GPD2: variants seen among roughly 807,000 people sequenced by gnomAD.
GPD2 encodes the protein glycerol-3-phosphate dehydrogenase, mitochondrial.
Under a neutral mutation model 82.4 loss-of-function variants are expected in GPD2, and 54 were observed. That is an observed-to-expected ratio of 0.66 (90% confidence interval 0.53 to 0.82). The LOEUF (loss-of-function observed/expected upper bound fraction) is 0.82. GPD2 is among the 40% of genes least tolerant of loss of function. The pLI is 0.00. For missense variants in GPD2, 748 were observed against 896.2 expected (o/e 0.83, Z 2.11); for synonymous variants, 288 against 306.1 (o/e 0.94, Z 0.62).
chr2:156,556,916 T>C (rs1573997773), intron 8 of GPD2, among the ~76,000 whole-genome samples: 1 of 152,364 alleles, frequency 6.6e-6, no homozygotes, highest in African/African-American at 2.4e-5. Flanking sequence ...CACTTTCTTA[T>C]GTACTCCTGA....
intron 1 of GPD2, among the ~76,000 whole-genome samples, chr2:156,454,777 T>G (rs1271811953): frequency 3.3e-5 from 5 of 151,878 alleles, no homozygotes; most frequent in Non-Finnish European, 1.5e-5. Flanking sequence ...CTGTGGAGCA[T>G]GCTAGGGTTA....
At chr2:156,569,964 C>G in intron 11 of GPD2, 123 bp from the exon 12 acceptor site, 1 of 843,478 alleles carries the variant, frequency 1.2e-6, no homozygotes, top group East Asian at 2.6e-5. Flanking sequence ...ATATAATACT[C>G]TCCGAGAGCT....
intron 8 of GPD2, among the ~76,000 whole-genome samples, chr2:156,554,110 T>A (rs943592633): frequency 2.0e-5 from 3 of 152,214 alleles, no homozygotes; most frequent in Admixed American, 6.5e-5. Context: ...ATTCCCTCAT[T>A]CAGGACTGAC....
At chr2:156,489,707 CCTTCCTT>C (rs1684087287) in intron 2 of GPD2, among the ~76,000 whole-genome samples, 3 of 119,030 alleles carry the variant, frequency 2.5e-5, no homozygotes, top group African/African-American at 9.9e-5. Context: ...TTCCTTCCTT[CCTTCCTT>C]CCTTCCTTCC....
intron 1 of GPD2, among the ~76,000 whole-genome samples, chr2:156,452,027 A>C (rs1682620935): frequency 6.7e-6 from 1 of 150,212 alleles, no homozygotes; most frequent in Non-Finnish European, 1.5e-5. Flanking sequence ...CTCTCTTCCT[A>C]GATGGGATGG....
intron 6 of GPD2, among the ~76,000 whole-genome samples, chr2:156,545,526 A>G (rs1176886777): frequency 6.6e-6 from 1 of 152,226 alleles, no homozygotes; most frequent in Admixed American, 6.5e-5. Context: ...TGATGAAATT[A>G]TGGACAGATG....
intron 1 of GPD2, among the ~76,000 whole-genome samples, chr2:156,465,295 T>C: frequency 6.6e-6 from 1 of 152,172 alleles, no homozygotes. Context: ...TAAAACTCTT[T>C]GATTTGCAGC....
At chr2:156,439,934 T>C (rs940919297) in intron 1 of GPD2, among the ~76,000 whole-genome samples, 3 of 152,146 alleles carry the variant, frequency 2.0e-5, no homozygotes, top group African/African-American at 7.2e-5. Context: ...ATATTTTATA[T>C]ATTTTTTACC....
Position 156,550,710 on chromosome 2 carries a change from G to A in GPD2, c.935G>A (p.Ser312Asn). 1.2e-6 allele frequency: 2 copies of A among 1,613,798 alleles called. No homozygotes were observed. The highest frequency in any genetic ancestry group is 1.7e-6 in the Non-Finnish European group (2 of 1,179,724). Residue 312 changes from serine (S) to asparagine (N), a missense_variant, in exon 8 of 17, where the codon AGT becomes AAT. Around this residue, in one of 3 missense-constraint regions of GPD2, gnomAD observed 692 missense variants for 809.7 expected, o/e 0.85. Transcript: ENST00000438166. ...GACGCAGCAGCTATCTGCCAGCCAA[G>A]TGCTGGTGTCCATATTGTGATGCCT... ...DKDAAAICQP[S>N]AGVHIVMPGY...
the GPD2 span, among the ~76,000 whole-genome samples, chr2:156,410,458 A>G: frequency 6.6e-6 from 1 of 152,220 alleles, no homozygotes; most frequent in Non-Finnish European, 1.5e-5. Flanking sequence ...TGCAAAATCT[A>G]TATATGTGTT....
intron 9 of GPD2, among the ~76,000 whole-genome samples, chr2:156,560,630 A>G (rs1324090607): frequency 1.3e-5 from 2 of 152,204 alleles, no homozygotes; most frequent in African/African-American, 4.8e-5. Context: ...TCTTATTTCT[A>G]ATTGACTGAA....
At chr2:156,426,046 C>T in the GPD2 span, among the ~76,000 whole-genome samples, 1 of 151,896 alleles carries the variant, frequency 6.6e-6, no homozygotes, top group African/African-American at 2.4e-5. Context: ...CCTTAGCCTC[C>T]CCGAGTAGCT....
At chr2:156,446,138 CCA>C (rs1682364173) in intron 1 of GPD2, among the ~76,000 whole-genome samples, 2 of 152,266 alleles carry the variant, frequency 1.3e-5, no homozygotes, top group East Asian at 3.9e-4. Flanking sequence ...GCTCTGTTGC[CCA>C]GGTTGAGTGC....
the GPD2 span, among the ~76,000 whole-genome samples, chr2:156,421,535 C>T: frequency 3.3e-5 from 5 of 152,208 alleles, no homozygotes; most frequent in Non-Finnish European, 5.9e-5. Context: ...TTTAGGTGCT[C>T]CAGCTCTTTA....
chr2:156,468,599 G>T (rs965788711), intron 1 of GPD2, among the ~76,000 whole-genome samples: 1 of 152,200 alleles, frequency 6.6e-6, no homozygotes, highest in Non-Finnish European at 1.5e-5. Flanking sequence ...ACATCTTGGG[G>T]TTTTTATTTA....
chr2:156,408,292 A>G, the GPD2 span, among the ~76,000 whole-genome samples: 14 of 152,122 alleles, frequency 9.2e-5, no homozygotes, highest in Non-Finnish European at 4.4e-5. Context: ...TCTTCTCCGC[A>G]TTAATAGTCT....
rs1010988379 is a variant in GPD2, at chr2:156,557,432, C to T, written c.1015C>T (p.Arg339Ter). The change falls in exon 9 of 17, where the codon CGA becomes TGA. Residue 339 changes from arginine (R) to a stop codon, truncating the protein, a stop_gained. Coordinates refer to ENST00000438166, the MANE Select transcript of GPD2 (RefSeq NM_000408.5). LOFTEE classifies it high-confidence loss of function. ...GLLDPATSDG[R>*]VIFFLPWQKM... Reference sequence around the variant, plus strand: ...TCTTGACCCAGCGACCAGTGATGGGCGAGTTATTTTCTTCTTACCCTGGCA... The same window carrying T: ...TCTTGACCCAGCGACCAGTGATGGGTGAGTTATTTTCTTCTTACCCTGGCA... 20 of 1,610,524 alleles carry T rather than the reference C, an allele frequency of 1.2e-5. No homozygotes were observed. Among genetic ancestry groups the T allele is most frequent in the Non-Finnish European group, 1.5e-5 (18 of 1,176,952 alleles).
intron 1 of GPD2, among the ~76,000 whole-genome samples, chr2:156,472,876 T>C (rs963777056): frequency 6.6e-6 from 1 of 152,210 alleles, no homozygotes; most frequent in Non-Finnish European, 1.5e-5. Flanking sequence ...TCTCACTTAG[T>C]AGGCAGTGAC....
chr2:156,460,670 A>G (rs977022519), intron 1 of GPD2, among the ~76,000 whole-genome samples: 54 of 152,306 alleles, frequency 3.5e-4, no homozygotes, highest in East Asian at 7.7e-4. Context: ...AGTCACCTGG[A>G]AACAACCCCA....
Sources: gnomAD v4.1 joint callset for allele counts (sites outside exome capture counted in the v4.1 genomes callset) on GRCh38, gnomAD v4.1.1 for gene constraint, gnomAD v4.1.1 regional missense constraint, MANE v1.5 for transcripts, NCBI Gene and HGNC (gene_info 2026-07-23, HGNC 2026-07-21) for gene names.